The following PHACTR3 variants were observed in gnomAD, a reference collection of about 807,000 sequenced individuals.
PHACTR3 encodes phosphatase and actin regulator 3, also known as protein phosphatase 1, regulatory subunit 123.
A neutral mutation model predicts 66.8 loss-of-function variants in PHACTR3; 16 were observed. The ratio of observed to expected loss-of-function variants is 0.24; its 90% CI spans 0.16 to 0.36. The LOEUF is 0.36. PHACTR3 is among the 10% of genes least tolerant of loss of function. The pLI, the probability that PHACTR3 is intolerant of heterozygous loss-of-function variation, is 1.00. For missense variants in PHACTR3, 647 were observed against 719.9 expected, an observed-to-expected ratio of 0.90 and a Z score of 1.16; for synonymous variants, 323 against 292.1, an observed-to-expected ratio of 1.11 and a Z score of -1.08.
In PHACTR3 at chr20:59,830,269, A is replaced by G. The variant is rs188278897; in HGVS notation, c.1329-6236A>G. 6.0e-3 allele frequency among the ~76,000 whole-genome samples: 822 copies of G among 137,324 alleles called. 1 individual carries two copies. The highest frequency in any genetic ancestry group is 9.7e-3 in the Non-Finnish European group (636 of 65,310). 90.1% of individuals were successfully genotyped at this position (137,324 alleles called of 152,430 possible). On this transcript the variant is annotated intron_variant, in intron 8 of 12. Coordinates refer to ENST00000371015, the MANE Select transcript of PHACTR3 (RefSeq NM_080672.5). The surrounding 1 kb of genome is among the most constrained non-coding windows in gnomAD (Gnocchi z 5.8). ...GTATGAGTGTCTGATAGAAGAGGGT[A>G]TGAGTGTCTGATGGAAGCAAGTGAG...
chr20:59,635,571 G>A (rs144463267), intron 1 of PHACTR3, among the ~76,000 whole-genome samples: 1 of 152,242 alleles, frequency 6.6e-6, no homozygotes, highest in Non-Finnish European at 1.5e-5. Context: ...CTGATTCAAA[G>A]CATCTGTAAA....
chr20:59,586,747 A>G (rs532331702), intron 1 of PHACTR3, among the ~76,000 whole-genome samples: 3 of 151,966 alleles, frequency 2.0e-5, no homozygotes, highest in Non-Finnish European at 2.9e-5. Context: ...CACACCAGCC[A>G]GGTCCTGTCC....
chr20:59,831,636 C>T (rs187952957), intron 8 of PHACTR3, among the ~76,000 whole-genome samples: 2 of 152,306 alleles, frequency 1.3e-5, no homozygotes, highest in East Asian at 3.9e-4. Context: ...CCCGCCCCAC[C>T]CCTCTGCAGG....
chr20:59,632,077 T>C (rs1459439226), intron 1 of PHACTR3, among the ~76,000 whole-genome samples: 3 of 152,224 alleles, frequency 2.0e-5, no homozygotes, highest in African/African-American at 7.2e-5. Context: ...CTGTATCATC[T>C]GGGCTGTGGC....
intron 10 of PHACTR3, among the ~76,000 whole-genome samples, 193 bp downstream of exon 10, chr20:59,840,623 G>A (rs2059041530): frequency 6.6e-6 from 1 of 152,180 alleles, no homozygotes; most frequent in African/African-American, 2.4e-5. Context: ...GTTCCCTATG[G>A]ACGAAGTCCT....
chr20:59,822,032 TC>T, intron 8 of PHACTR3, among the ~76,000 whole-genome samples: 1 of 30,092 alleles, frequency 3.3e-5, no homozygotes, highest in East Asian at 1.0e-3. Flanking sequence ...TCCCACCCCT[TC>T]CCCAGCGATC....
chr20:59,632,251 C>T (rs1193647680), intron 1 of PHACTR3, among the ~76,000 whole-genome samples: 1 of 152,186 alleles, frequency 6.6e-6, no homozygotes, highest in Non-Finnish European at 1.5e-5. Context: ...TAGCCCACTC[C>T]TGTTCCTCAG....
At chr20:59,810,691 A>C (rs897657908) in intron 8 of PHACTR3, among the ~76,000 whole-genome samples, 20 of 152,142 alleles carry the variant, frequency 1.3e-4, no homozygotes, top group Admixed American at 1.3e-4. Flanking sequence ...TGAAGCAGTC[A>C]CTGCTCCCCA....
intron 1 of PHACTR3, among the ~76,000 whole-genome samples, chr20:59,644,771 G>A (rs921322299): frequency 1.3e-5 from 2 of 152,170 alleles, no homozygotes; most frequent in Non-Finnish European, 2.9e-5. Flanking sequence ...CGCTTCTCCT[G>A]CACCCTGCGC....
chr20:59,647,500 C>G (rs1328286383), intron 1 of PHACTR3, among the ~76,000 whole-genome samples: 1 of 152,108 alleles, frequency 6.6e-6, no homozygotes, highest in Non-Finnish European at 1.5e-5. Flanking sequence ...GGCAGCCAGG[C>G]CCTTGGAGGT....
intron 1 of PHACTR3, among the ~76,000 whole-genome samples, chr20:59,705,940 T>C (rs1340481423): frequency 6.6e-6 from 1 of 152,202 alleles, no homozygotes; most frequent in Non-Finnish European, 1.5e-5. Flanking sequence ...AAGTGGTGGA[T>C]GAAGACTTTG....
intron 1 of PHACTR3, among the ~76,000 whole-genome samples, chr20:59,701,133 A>G (rs922593005): frequency 1.3e-5 from 2 of 152,134 alleles, no homozygotes; most frequent in African/African-American, 4.8e-5. Context: ...CCATATATGA[A>G]ACAGATCCGA....
At chr20:59,596,480 A>G (rs2033328702) in intron 1 of PHACTR3, among the ~76,000 whole-genome samples, 1 of 152,178 alleles carries the variant, frequency 6.6e-6, no homozygotes, top group Admixed American at 6.5e-5. Context: ...AAGATAGAAC[A>G]CAGTCTTCTT....
chr20:59,660,929 A>G (rs1273325583), intron 1 of PHACTR3, among the ~76,000 whole-genome samples: 4 of 152,210 alleles, frequency 2.6e-5, no homozygotes, highest in Non-Finnish European at 4.4e-5. Context: ...AACACTTTCT[A>G]TTTGTCCTTA....
intron 1 of PHACTR3, among the ~76,000 whole-genome samples, chr20:59,722,457 G>A (rs562869233): frequency 6.6e-6 from 1 of 152,278 alleles, no homozygotes; most frequent in African/African-American, 2.4e-5. Context: ...TCCCTGTGCA[G>A]TCAGCGTGGC....
At chr20:59,847,082 C>T (rs1324932050) in intron 12 of PHACTR3, 33 bp from the exon 13 acceptor site, 1 of 1,456,800 alleles carries the variant, frequency 6.9e-7, no homozygotes, top group Non-Finnish European at 9.6e-7. Flanking sequence ...AAATGAATAA[C>T]CTTAAATTCT....
intron 1 of PHACTR3, among the ~76,000 whole-genome samples, chr20:59,709,772 G>A (rs997377537): frequency 1.3e-5 from 2 of 152,056 alleles, no homozygotes; most frequent in African/African-American, 4.8e-5. Context: ...GGAATTCTGG[G>A]TGGTGTTGGG....
At chr20:59,718,690 C>T (rs2038183722) in intron 1 of PHACTR3, among the ~76,000 whole-genome samples, 1 of 152,130 alleles carries the variant, frequency 6.6e-6, no homozygotes, top group Admixed American at 6.5e-5. Flanking sequence ...TTTTGTGGGT[C>T]GATGACAGCT....
At chr20:59,595,817 C>G (rs966323543) in intron 1 of PHACTR3, among the ~76,000 whole-genome samples, 1 of 152,192 alleles carries the variant, frequency 6.6e-6, no homozygotes, top group African/African-American at 2.4e-5. Flanking sequence ...GGAGAATTGA[C>G]TCCTTTATCG....
Sources: gnomAD v4.1 joint callset for allele counts (sites outside exome capture counted in the v4.1 genomes callset) on GRCh38, gnomAD v4.1.1 for gene constraint, Gnocchi (gnomAD v3.1) non-coding constraint, MANE v1.5 for transcripts, NCBI Gene and HGNC (gene_info 2026-07-23, HGNC 2026-07-21) for gene names.